TDRD3: variants seen among roughly 807,000 people sequenced by gnomAD.
TDRD3 encodes the protein tudor domain containing 3.
TDRD3 carries 45 observed loss-of-function variants against 86.7 expected under a neutral mutation model. The ratio of observed to expected loss-of-function variants is 0.52; its 90% CI spans 0.41 to 0.67. The LOEUF is 0.67. TDRD3 is among the 30% of genes least tolerant of loss of function. The probability of loss-of-function intolerance (pLI) is 0.00; values close to 1 mark genes in which losing one functional copy is unlikely to be tolerated. For missense variants in TDRD3, 814 were observed against 889.0 expected (o/e 0.92, Z 1.07); for synonymous variants, 298 against 301.7 (o/e 0.99, Z 0.13).
At chr13:60,447,031 C>G (rs1010880802) in intron 3 of TDRD3, among the ~76,000 whole-genome samples, 1 of 152,104 alleles carries the variant, frequency 6.6e-6, no homozygotes, top group Non-Finnish European at 1.5e-5. Flanking sequence ...AAGTAATCTG[C>G]CTATCTCTTG....
At chr13:60,411,299 A>G (rs946811654) in intron 1 of TDRD3, among the ~76,000 whole-genome samples, 4 of 152,256 alleles carry the variant, frequency 2.6e-5, no homozygotes, top group African/African-American at 9.6e-5. Flanking sequence ...ATATACTTTT[A>G]CAGTTACAGG....
At chr13:60,565,714 A>G (rs1261268647) in intron 12 of TDRD3, among the ~76,000 whole-genome samples, 2 of 152,188 alleles carry the variant, frequency 1.3e-5, no homozygotes, top group Admixed American at 6.5e-5. Flanking sequence ...TTCATCTCCT[A>G]CAGTACCAAA....
chr13:60,417,197 T>A (rs1222842195), intron 1 of TDRD3, among the ~76,000 whole-genome samples: 1 of 151,866 alleles, frequency 6.6e-6, no homozygotes, highest in Admixed American at 6.6e-5. Flanking sequence ...TTTATTTTAG[T>A]AGAGATGGGC....
At chr13:60,467,965 C>A (rs1222710066) in intron 5 of TDRD3, among the ~76,000 whole-genome samples, 1 of 152,142 alleles carries the variant, frequency 6.6e-6, no homozygotes, top group Non-Finnish European at 1.5e-5. Context: ...CTCTCCAGTT[C>A]TTATTATTAC....
chr13:60,544,391 C>G (rs1157037522), intron 12 of TDRD3, among the ~76,000 whole-genome samples: 2 of 148,644 alleles, frequency 1.3e-5, no homozygotes, highest in Non-Finnish European at 3.0e-5. Flanking sequence ...TTGCAGTGAT[C>G]TATGACTGTA....
chr13:60,408,826 C>T (rs1954293578), intron 1 of TDRD3, among the ~76,000 whole-genome samples: 1 of 152,130 alleles, frequency 6.6e-6, no homozygotes, highest in Non-Finnish European at 1.5e-5. Flanking sequence ...GAAATTCAAG[C>T]CAGCTCCAGA....
intron 3 of TDRD3, among the ~76,000 whole-genome samples, chr13:60,451,868 T>C (rs929200367): frequency 6.6e-6 from 1 of 152,176 alleles, no homozygotes; most frequent in Non-Finnish European, 1.5e-5. Flanking sequence ...AATCAAATGA[T>C]TAAGACTCTT....
intron 13 of TDRD3, among the ~76,000 whole-genome samples, chr13:60,569,349 G>A (rs1386778715): frequency 6.6e-6 from 1 of 151,976 alleles, no homozygotes; most frequent in Admixed American, 6.6e-5. Context: ...AAACACCTAG[G>A]AATAAATTTA....
At chr13:60,487,270 T>G (rs970208048) in intron 7 of TDRD3, among the ~76,000 whole-genome samples, 1 of 151,998 alleles carries the variant, frequency 6.6e-6, no homozygotes, top group Non-Finnish European at 1.5e-5. Flanking sequence ...CTGAGGCAGG[T>G]GTATCACCTG....
chr13:60,543,439 A>G (rs1279862869), intron 12 of TDRD3, among the ~76,000 whole-genome samples: 1 of 152,166 alleles, frequency 6.6e-6, no homozygotes. Flanking sequence ...TGTATTTTAA[A>G]TCTCCAAGAG....
chr13:60,571,980 A>G (rs997595979), intron 13 of TDRD3, among the ~76,000 whole-genome samples: 8 of 152,238 alleles, frequency 5.3e-5, no homozygotes, highest in African/African-American at 1.9e-4. Context: ...GGACACTGTC[A>G]TAACTGTTAA....
chr13:60,408,346 G>A (rs1451478885), intron 1 of TDRD3, among the ~76,000 whole-genome samples: 6 of 152,198 alleles, frequency 3.9e-5, no homozygotes, highest in Non-Finnish European at 8.8e-5. Flanking sequence ...GGGCATTGCT[G>A]AAAAGATACC....
intron 10 of TDRD3, among the ~76,000 whole-genome samples, chr13:60,521,811 C>A (rs9528153): frequency 0.15 from 22,475 of 152,102 alleles, 2,093 homozygotes; most frequent in South Asian, 0.28. Context: ...GCAGGAGAAT[C>A]ACTTGAACCC....
rs181199481 is a variant in TDRD3, at chr13:60,483,663, T to C, written c.496-112T>C. 7.6e-4 allele frequency: 700 copies of C among 920,010 alleles called. 4 individuals are homozygous for C. The African/African-American group carries it at 1.0e-2, about 13-fold the overall frequency. 57.0% of individuals were successfully genotyped at this position (920,010 alleles called of 1,614,324 possible). A position where few individuals can be genotyped will look rare whatever the true frequency, so the allele number is the denominator to read the frequency against. On this transcript the variant is annotated intron_variant, in intron 5 of 13. Coordinates refer to ENST00000377881, the MANE Select transcript of TDRD3 (RefSeq NM_001146070.2). ...ATACTTCATGGAAGGCCTTTTTTTT[T>C]CCTATTTCTTATAAGAATCTACTCA...
intron 12 of TDRD3, among the ~76,000 whole-genome samples, chr13:60,558,270 A>G (rs1329290400): frequency 2.6e-5 from 4 of 152,250 alleles, no homozygotes; most frequent in African/African-American, 9.6e-5. Context: ...TTGCTCTCAG[A>G]GAAAGAATTC....
intron 8 of TDRD3, among the ~76,000 whole-genome samples, chr13:60,499,978 C>G (rs1268357767): frequency 1.3e-5 from 2 of 152,210 alleles, no homozygotes; most frequent in African/African-American, 4.8e-5. Flanking sequence ...GGCCATATGA[C>G]CCAGCAGATC....
intron 3 of TDRD3, 95 bp downstream of exon 3, chr13:60,444,843 A>G (rs1955363173): frequency 3.2e-6 from 2 of 632,110 alleles, no homozygotes; most frequent in Non-Finnish European, 2.5e-6. Context: ...AAAGACTGCA[A>G]TTGCAAAATA....
At chr13:60,449,401 T>G (rs1053632279) in intron 3 of TDRD3, among the ~76,000 whole-genome samples, 4 of 152,110 alleles carry the variant, frequency 2.6e-5, no homozygotes, top group Non-Finnish European at 4.4e-5. Flanking sequence ...AATAGATAAC[T>G]GAAAAATAAA....
intron 12 of TDRD3, among the ~76,000 whole-genome samples, chr13:60,551,231 A>G (rs990952377): frequency 6.6e-6 from 1 of 152,192 alleles, no homozygotes; most frequent in African/African-American, 2.4e-5. Context: ...CTTGGGAAAG[A>G]TATAGAATAT....
Sources: allele counts gnomAD v4.1 joint callset (sites outside exome capture counted in the v4.1 genomes callset), GRCh38; gene constraint gnomAD v4.1.1; transcripts MANE v1.5; gene names NCBI Gene and HGNC (gene_info 2026-07-23, HGNC 2026-07-21).